Variants in SLC8A1 observed in about 807,000 individuals in gnomAD.
SLC8A1 encodes the protein sodium/calcium exchanger 1.
A neutral mutation model predicts 68.3 loss-of-function variants in SLC8A1; 18 were observed. That is an observed-to-expected ratio of 0.26 (90% CI 0.18 to 0.39). SLC8A1 has a LOEUF of 0.39. Ranked by LOEUF, SLC8A1 falls within the 10% of genes least tolerant of loss-of-function variation. The pLI is 1.00. For synonymous variants in SLC8A1, 475 were observed against 415.5 expected (o/e 1.14, Z -1.74); for missense variants, 985 against 1,156.7 (o/e 0.85, Z 2.15).
intron 2 of SLC8A1, among the ~76,000 whole-genome samples, chr2:40,332,433 G>T: frequency 6.8e-6 from 1 of 146,598 alleles, no homozygotes; most frequent in Non-Finnish European, 1.5e-5. Context: ...GGGGGAGGAC[G>T]GGGGCGGGGG....
chr2:40,420,564 C>G, intron 2 of SLC8A1, among the ~76,000 whole-genome samples: 1 of 152,120 alleles, frequency 6.6e-6, no homozygotes, highest in East Asian at 1.9e-4. Context: ...CCAACAATAA[C>G]TAGGTAGGTC....
rs145077257 is a variant in SLC8A1 at position 40,288,834 on chromosome 2, C to CATATATATATATATATAT, written c.1809-110997_1809-110980dup. Among the ~76,000 whole-genome samples the CATATATATATATATATAT allele has an allele frequency of 8.3e-4, 110 of 132,642 alleles. 3 individuals are homozygous for CATATATATATATATATAT. Among genetic ancestry groups the CATATATATATATATATAT allele is most frequent in the African/African-American group, 3.6e-3 (105 of 29,370 alleles). 87.0% of individuals were successfully genotyped at this position (132,642 alleles called of 152,430 possible). On this transcript the variant is annotated intron_variant, in intron 2 of 7. Coordinates refer to ENST00000406785, the Ensembl canonical transcript of SLC8A1. ...TTCGAAAATGTCTCTACTAAGTAAT[C>CATATATATATATATATAT]ATATATATATATATATATGTATATA...
intron 2 of SLC8A1, among the ~76,000 whole-genome samples, chr2:40,302,437 T>TTGTGTGTG (rs60780425): frequency 0.013 from 1,760 of 132,928 alleles, 43 homozygotes; most frequent in African/African-American, 0.045. Flanking sequence ...TAGTATTCCA[T>TTGTGTGTG]TGTGTGTGTG....
intron 1 of SLC8A1, among the ~76,000 whole-genome samples, chr2:40,458,154 C>T (rs1000832541): frequency 1.3e-5 from 2 of 152,170 alleles, no homozygotes; most frequent in Non-Finnish European, 1.5e-5. Context: ...AGCTCTTTTA[C>T]GTCTGGCACA....
intron 2 of SLC8A1, 35 bp downstream of exon 3, chr2:40,178,352 A>G (rs1338326248): frequency 6.5e-7 from 1 of 1,532,890 alleles, no homozygotes; most frequent in Admixed American, 1.7e-5. Flanking sequence ...GGCCAGCAGA[A>G]GCTGTTGGGC....
chr2:40,408,541 C>A (rs557657465), intron 2 of SLC8A1, among the ~76,000 whole-genome samples: 1 of 152,254 alleles, frequency 6.6e-6, no homozygotes, highest in South Asian at 2.1e-4. Flanking sequence ...AATTCAACTG[C>A]TTGAATCTGG....
chr2:40,132,026 GT>G, intron 7 of SLC8A1, among the ~76,000 whole-genome samples: 1 of 152,070 alleles, frequency 6.6e-6, no homozygotes. Flanking sequence ...TCCATTAGGT[GT>G]TTTTCATGCC....
intron 7 of SLC8A1, among the ~76,000 whole-genome samples, chr2:40,124,588 A>G (rs534022890): frequency 5.3e-5 from 8 of 152,170 alleles, no homozygotes; most frequent in East Asian, 1.9e-4. Flanking sequence ...TAGTCATAGG[A>G]TACAAAAAAG....
At chr2:40,323,041 T>C (rs887114246) in intron 2 of SLC8A1, among the ~76,000 whole-genome samples, 2 of 152,204 alleles carry the variant, frequency 1.3e-5, no homozygotes, top group Non-Finnish European at 2.9e-5. Flanking sequence ...AAGGATTATA[T>C]AACACTTAAA....
chr2:40,280,625 G>T (rs940695810), intron 2 of SLC8A1, among the ~76,000 whole-genome samples: 3 of 152,162 alleles, frequency 2.0e-5, no homozygotes, highest in Non-Finnish European at 4.4e-5. Context: ...ATAAAAGATT[G>T]AATCCCTGCC....
intron 1 of SLC8A1, among the ~76,000 whole-genome samples, chr2:40,497,087 T>C (rs913100422): frequency 4.6e-5 from 7 of 151,856 alleles, no homozygotes; most frequent in East Asian, 1.9e-4. Context: ...AAAAAAAATC[T>C]GTTTAGAATT....
intron 2 of SLC8A1, among the ~76,000 whole-genome samples, chr2:40,215,198 T>C (rs924704493): frequency 2.0e-5 from 3 of 152,122 alleles, no homozygotes; most frequent in African/African-American, 2.4e-5. Context: ...GATAGGATCT[T>C]ACTCTGTCTC....
At chr2:40,419,176 A>G (rs1048605828) in intron 2 of SLC8A1, among the ~76,000 whole-genome samples, 6 of 152,196 alleles carry the variant, frequency 3.9e-5, no homozygotes, top group African/African-American at 1.4e-4. Context: ...TGCTCATAGA[A>G]TATTTGCTGG....
chr2:40,426,252 G>A (rs752589560), intron 2 of SLC8A1, among the ~76,000 whole-genome samples: 1 of 151,970 alleles, frequency 6.6e-6, no homozygotes, highest in Non-Finnish European at 1.5e-5. Flanking sequence ...ATGAAGTATA[G>A]TAACAATTTT....
At chr2:40,194,007 A>G (rs996058274) in intron 2 of SLC8A1, among the ~76,000 whole-genome samples, 1 of 152,132 alleles carries the variant, frequency 6.6e-6, no homozygotes, top group African/African-American at 2.4e-5. Flanking sequence ...AATTGCATGA[A>G]ATGCTTTCTC....
intron 2 of SLC8A1, among the ~76,000 whole-genome samples, chr2:40,259,936 G>A (rs1207936224): frequency 6.6e-6 from 1 of 152,022 alleles, no homozygotes; most frequent in African/African-American, 2.4e-5. Flanking sequence ...TGGCACTTAG[G>A]ATATTTTTCA....
chr2:40,394,409 T>C (rs1283929560), intron 2 of SLC8A1, among the ~76,000 whole-genome samples: 1 of 151,978 alleles, frequency 6.6e-6, no homozygotes, highest in African/African-American at 2.4e-5. Context: ...ATTTAAAATA[T>C]GGTATATACT....
intron 2 of SLC8A1, among the ~76,000 whole-genome samples, chr2:40,354,832 G>A (rs894000217): frequency 5.3e-5 from 8 of 152,112 alleles, no homozygotes; most frequent in African/African-American, 1.9e-4. Flanking sequence ...AAGTGGCAGT[G>A]TTTATTTTTT....
Position 40,368,876 on chromosome 2 carries a change from A to G in SLC8A1, c.1808+59597T>C, listed in dbSNP as rs1411299431. On this transcript the variant is annotated intron_variant, in intron 2 of 7. Transcript: ENST00000406785. ...ATAAAACAGAATAGAGAACCCAGAA[A>G]TAAGACCACACACCCACAACCATCT... Among the ~76,000 whole-genome samples, 6 of 152,244 alleles carry G rather than the reference A, an allele frequency of 3.9e-5. No individual in the cohort carries two copies. In the East Asian group the frequency reaches 7.7e-4, roughly 20 times the overall value.
Sources: allele counts gnomAD v4.1 joint callset (sites outside exome capture counted in the v4.1 genomes callset), GRCh38; gene constraint gnomAD v4.1.1; transcripts MANE v1.5; gene names NCBI Gene and HGNC (gene_info 2026-07-23, HGNC 2026-07-21).